The following PHACTR1 variants were observed in gnomAD, a reference collection of about 807,000 sequenced individuals.
The protein encoded by PHACTR1 is phosphatase and actin regulator 1.
In PHACTR1, 16 loss-of-function variants were observed where a neutral mutation model predicts 69.2. That is an observed-to-expected ratio of 0.23 (90% CI 0.16 to 0.35). PHACTR1 has a LOEUF of 0.35. PHACTR1 is among the 10% of genes least tolerant of loss of function. The pLI is 1.00. For missense variants in PHACTR1, 510 were observed against 734.7 expected (o/e 0.69, Z 3.54); for synonymous variants, 312 against 284.5 (o/e 1.10, Z -0.97).
At chr6:13,148,733 A>G (rs1823832874) in intron 5 of PHACTR1, among the ~76,000 whole-genome samples, 1 of 152,202 alleles carries the variant, frequency 6.6e-6, no homozygotes, top group Non-Finnish European at 1.5e-5. Flanking sequence ...TGCTATCTGA[A>G]TTATTTTCAG....
intron 4 of PHACTR1, among the ~76,000 whole-genome samples, chr6:12,782,650 C>T (rs919921813): frequency 1.1e-4 from 16 of 152,086 alleles, no homozygotes; most frequent in Admixed American, 7.8e-4. Context: ...AGAAATAAAA[C>T]GAGATGTGTT....
chr6:12,921,660 A>G (rs1582496059), intron 4 of PHACTR1, among the ~76,000 whole-genome samples: 1 of 117,132 alleles, frequency 8.5e-6, no homozygotes, highest in Admixed American at 9.3e-5. Context: ...GAAGGAAGGG[A>G]GGGAGGAGGG....
chr6:12,921,807 G>GAAAGGGAGGGAGGGAAGAAGGAAGGGAGA (rs1787738565), intron 4 of PHACTR1, among the ~76,000 whole-genome samples: 1 of 53,924 alleles, frequency 1.9e-5, no homozygotes, highest in Non-Finnish European at 3.6e-5. Context: ...AGGAAGGGAG[G>GAAAGGGAGGGAGGGAAGAAGGAAGGGAGA]GAGGGAGCAA....
intron 5 of PHACTR1, among the ~76,000 whole-genome samples, chr6:13,086,921 C>G (rs1284259535): frequency 6.6e-6 from 1 of 151,958 alleles, no homozygotes; most frequent in Non-Finnish European, 1.5e-5. Context: ...GTATTCTTGT[C>G]AACACTTGGT....
intron 3 of PHACTR1, among the ~76,000 whole-genome samples, chr6:12,728,138 G>T (rs577368996): frequency 5.8e-4 from 88 of 152,132 alleles, no homozygotes; most frequent in Middle Eastern, 3.4e-3. Flanking sequence ...ATAACAAGAT[G>T]CCATCTCTAC....
intron 5 of PHACTR1, among the ~76,000 whole-genome samples, chr6:13,124,121 G>T (rs2127951523): frequency 6.6e-6 from 1 of 152,286 alleles, no homozygotes; most frequent in East Asian, 1.9e-4. Flanking sequence ...ATGAACTGCA[G>T]AGAGCGAGGT....
rs561829321 is a variant in PHACTR1 at position 12,773,557 on chromosome 6, T to C, written c.250+23767T>C. Among the ~76,000 whole-genome samples, 4 of 152,312 alleles carry C rather than the reference T, an allele frequency of 2.6e-5. No homozygotes were observed. In the South Asian group the frequency reaches 8.3e-4, roughly 32 times the overall value. On this transcript the variant is annotated intron_variant, in intron 4 of 14. Transcript: ENST00000332995. ...CATACTTGAAAAACACACTTTAAACTATCCCCAATAATCATATGTAATAGA... is the reference window on the plus strand; with the variant it reads ...CATACTTGAAAAACACACTTTAAACCATCCCCAATAATCATATGTAATAGA...
chr6:13,281,551 C>A, intron 12 of PHACTR1: 1 of 191,476 alleles, frequency 5.2e-6, no homozygotes. Flanking sequence ...AGTGAGACTC[C>A]GTCTAAAAAA....
intron 4 of PHACTR1, among the ~76,000 whole-genome samples, chr6:12,910,583 A>G (rs1786271449): frequency 6.6e-6 from 1 of 152,218 alleles, no homozygotes; most frequent in African/African-American, 2.4e-5. Context: ...TAAATTAGGA[A>G]ACAGTAACCA....
At chr6:13,284,595 T>C (rs904722041) in intron 13 of PHACTR1, among the ~76,000 whole-genome samples, 26 of 132,752 alleles carry the variant, frequency 2.0e-4, no homozygotes, top group Admixed American at 5.6e-4. Context: ...TATATATATA[T>C]ACTGGAATAA....
chr6:12,948,607 TCA>T (rs1379216571), intron 4 of PHACTR1, among the ~76,000 whole-genome samples: 1 of 152,186 alleles, frequency 6.6e-6, no homozygotes, highest in African/African-American at 2.4e-5. Context: ...TCGTCAAAGG[TCA>T]CACAGTTAAA....
At chr6:12,745,973 G>T (rs1331411743) in intron 3 of PHACTR1, among the ~76,000 whole-genome samples, 2 of 152,164 alleles carry the variant, frequency 1.3e-5, no homozygotes, top group African/African-American at 4.8e-5. Flanking sequence ...GATGTTTTAT[G>T]AAAAGAGGTC....
At chr6:13,124,874 C>T (rs1051703179) in intron 5 of PHACTR1, among the ~76,000 whole-genome samples, 1 of 152,152 alleles carries the variant, frequency 6.6e-6, no homozygotes, top group African/African-American at 2.4e-5. Context: ...CTTATAATCC[C>T]ATCACCCATT....
At chr6:12,794,896 G>A (rs1358556586) in intron 4 of PHACTR1, among the ~76,000 whole-genome samples, 1 of 152,150 alleles carries the variant, frequency 6.6e-6, no homozygotes, top group African/African-American at 2.4e-5. Context: ...TGTAGGAAGA[G>A]TTATGGATGA....
chr6:12,977,516 T>C (rs993604085), intron 4 of PHACTR1, among the ~76,000 whole-genome samples: 19 of 152,162 alleles, frequency 1.2e-4, no homozygotes, highest in African/African-American at 3.9e-4. Context: ...CTAAAACTTA[T>C]AAAGTTATCC....
At chr6:13,014,878 G>A (rs1055803855) in intron 4 of PHACTR1, among the ~76,000 whole-genome samples, 2 of 152,224 alleles carry the variant, frequency 1.3e-5, no homozygotes, top group African/African-American at 4.8e-5. Context: ...AGGGACCGCC[G>A]GCGCGGACCA....
chr6:13,016,600 T>C (rs958123568), intron 4 of PHACTR1, among the ~76,000 whole-genome samples: 8 of 152,158 alleles, frequency 5.3e-5, no homozygotes, highest in African/African-American at 1.9e-4. Context: ...AAAGGTGAAA[T>C]TACATTTTAG....
intron 5 of PHACTR1, among the ~76,000 whole-genome samples, chr6:13,112,554 G>T (rs1235926480): frequency 6.6e-6 from 1 of 152,000 alleles, no homozygotes; most frequent in African/African-American, 2.4e-5. Flanking sequence ...GATATTTTTT[G>T]ACTTTTTAAT....
At chr6:13,279,025 T>TA (rs1779573568) in intron 12 of PHACTR1, among the ~76,000 whole-genome samples, 1 of 118,028 alleles carries the variant, frequency 8.5e-6, no homozygotes, top group Non-Finnish European at 1.7e-5. Context: ...CCTGGGAAAG[T>TA]ATAGACTTTT....
Sources: allele counts gnomAD v4.1 joint callset (sites outside exome capture counted in the v4.1 genomes callset), GRCh38; gene constraint gnomAD v4.1.1; transcripts MANE v1.5; gene names NCBI Gene and HGNC (gene_info 2026-07-23, HGNC 2026-07-21).